The following LUZP2 variants were observed in gnomAD, a reference collection of about 807,000 sequenced individuals.
LUZP2 encodes leucine zipper protein 2.
LUZP2 carries 52 observed loss-of-function variants against 51.6 expected under a neutral mutation model. The observed-to-expected ratio is 1.01, with a 90% CI of 0.81 to 1.27. LUZP2 has a LOEUF of 1.27. LUZP2 is among the 50% of genes most tolerant of loss of function. LUZP2 has a pLI of 0.00. For synonymous variants in LUZP2, 154 were observed against 137.3 expected, an observed-to-expected ratio of 1.12 and a Z score of -0.85; for missense variants, 436 against 395.4, an observed-to-expected ratio of 1.10 and a Z score of -0.87.
intron 5 of LUZP2, among the ~76,000 whole-genome samples, chr11:24,777,064 G>A (rs957504396): frequency 6.7e-5 from 10 of 148,564 alleles, no homozygotes; most frequent in African/African-American, 2.2e-4. Context: ...GTGTGATCTC[G>A]GCTCACTGCA....
At chr11:24,671,524 C>T (rs1343773171) in intron 1 of LUZP2, among the ~76,000 whole-genome samples, 2 of 151,642 alleles carry the variant, frequency 1.3e-5, no homozygotes, top group South Asian at 4.2e-4. Flanking sequence ...CTTTCTTGGC[C>T]AAATAATCTT....
At chr11:24,896,239 G>A (rs1286849097) in intron 5 of LUZP2, among the ~76,000 whole-genome samples, 1 of 152,188 alleles carries the variant, frequency 6.6e-6, no homozygotes, top group Admixed American at 6.5e-5. Flanking sequence ...CCCTCTGTGG[G>A]CTGGCCGAGG....
intron 1 of LUZP2, among the ~76,000 whole-genome samples, chr11:24,654,402 CT>C (rs1855732843): frequency 2.0e-5 from 3 of 150,712 alleles, no homozygotes; most frequent in Non-Finnish European, 4.4e-5. Context: ...TTTCTTTTTT[CT>C]TTTGTTTTGT....
chr11:25,079,414 T>C lies in LUZP2; in HGVS notation c.*756T>C, dbSNP rs1398144298. 1 of 152,114 alleles carries C rather than the reference T, an allele frequency of 6.6e-6. No individual in the cohort carries two copies. The highest frequency in any genetic ancestry group is 2.4e-5 in the African/African-American group (1 of 41,432). 9.4% of individuals were successfully genotyped at this position (152,114 alleles called of 1,614,324 possible). On this transcript the variant is annotated 3_prime_UTR_variant, in exon 12 of 12. Coordinates refer to ENST00000336930, the MANE Select transcript of LUZP2 (RefSeq NM_001009909.4). ...GAAATACTTGGCAGGATTTTTGGTA[T>C]GAAGTTGGGTAGTGGAATAGGGAAT...
intron 5 of LUZP2, among the ~76,000 whole-genome samples, chr11:24,803,205 G>A (rs1485371387): frequency 2.0e-5 from 3 of 152,092 alleles, no homozygotes; most frequent in African/African-American, 4.8e-5. Flanking sequence ...ATGGGCAAAA[G>A]ACATGAATTG....
At chr11:24,951,398 G>A (rs551939073) in intron 7 of LUZP2, among the ~76,000 whole-genome samples, 1 of 151,256 alleles carries the variant, frequency 6.6e-6, no homozygotes, top group East Asian at 1.9e-4. Context: ...AGAAAATAAG[G>A]GCCTTGTCCA....
chr11:24,759,575 T>C (rs1859905585), intron 4 of LUZP2, among the ~76,000 whole-genome samples: 1 of 152,180 alleles, frequency 6.6e-6, no homozygotes, highest in Admixed American at 6.6e-5. Flanking sequence ...GAACAATGCG[T>C]GCAGTATCCA....
intron 5 of LUZP2, among the ~76,000 whole-genome samples, chr11:24,853,812 G>T (rs746076058): frequency 2.0e-5 from 3 of 152,122 alleles, no homozygotes; most frequent in Non-Finnish European, 4.4e-5. Context: ...TTTTGGTGTG[G>T]ACATCCTTTT....
At chr11:24,984,844 C>A (rs1401549893) in intron 9 of LUZP2, among the ~76,000 whole-genome samples, 1 of 151,116 alleles carries the variant, frequency 6.6e-6, no homozygotes, top group Non-Finnish European at 1.5e-5. Context: ...ATTATTTTTT[C>A]TTTCCTCAGT....
chr11:24,811,622 A>T (rs1050511281), intron 5 of LUZP2, among the ~76,000 whole-genome samples: 3 of 152,016 alleles, frequency 2.0e-5, no homozygotes, highest in Non-Finnish European at 4.4e-5. Flanking sequence ...AGTATCTAAT[A>T]GGTAGTTTTT....
In LUZP2 at chr11:24,573,721, A is replaced by G. The variant is rs541262443; in HGVS notation, c.62+76416A>G. On this transcript the variant is annotated intron_variant, in intron 1 of 11. Transcript: ENST00000336930. Reference sequence around the variant, plus strand: ...ACATGGTATAAACCATCTAAGACAAAATAATTTTTGCTTCCTTATGAATAT... The same window carrying G: ...ACATGGTATAAACCATCTAAGACAAGATAATTTTTGCTTCCTTATGAATAT... 3.9e-5 allele frequency among the ~76,000 whole-genome samples: 6 copies of G among 151,964 alleles called. No homozygotes were observed. The East Asian group carries it at 1.2e-3, about 29-fold the overall frequency.
chr11:24,513,941 A>G (rs1850388543), intron 1 of LUZP2, among the ~76,000 whole-genome samples: 1 of 152,204 alleles, frequency 6.6e-6, no homozygotes, highest in Non-Finnish European at 1.5e-5. Flanking sequence ...CATGGAACGG[A>G]TTTAATGTTT....
At chr11:24,748,664 G>A (rs919219871) in intron 4 of LUZP2, among the ~76,000 whole-genome samples, 1 of 152,048 alleles carries the variant, frequency 6.6e-6, no homozygotes, top group Admixed American at 6.6e-5. Flanking sequence ...TCACCATGTT[G>A]GCCGGGATGG....
chr11:24,508,405 G>C (rs1202263009), intron 1 of LUZP2, among the ~76,000 whole-genome samples: 1 of 152,120 alleles, frequency 6.6e-6, no homozygotes, highest in African/African-American at 2.4e-5. Context: ...GGTGACAGAA[G>C]ATCCTTTCTT....
At chr11:25,033,647 C>T (rs532981262) in intron 9 of LUZP2, among the ~76,000 whole-genome samples, 11 of 152,092 alleles carry the variant, frequency 7.2e-5, no homozygotes, top group Non-Finnish European at 1.3e-4. Context: ...CAGTGGTTAG[C>T]TCCTACTTAT....
At chr11:25,003,961 G>A (rs575712192) in intron 9 of LUZP2, among the ~76,000 whole-genome samples, 13 of 152,314 alleles carry the variant, frequency 8.5e-5, no homozygotes, top group African/African-American at 2.9e-4. Context: ...TTTACAGGCT[G>A]TCCCAGGATT....
chr11:24,990,031 C>T (rs1856292804), intron 9 of LUZP2, among the ~76,000 whole-genome samples: 1 of 152,088 alleles, frequency 6.6e-6, no homozygotes, highest in Non-Finnish European at 1.5e-5. Flanking sequence ...AATATTGCCA[C>T]ATATTCTCTG....
chr11:24,902,310 C>T (rs1371280535), intron 5 of LUZP2, among the ~76,000 whole-genome samples: 3 of 152,116 alleles, frequency 2.0e-5, no homozygotes, highest in Admixed American at 2.0e-4. Flanking sequence ...CCTCTCCCTC[C>T]TCCCACCCTC....
At chr11:24,619,510 C>A (rs1854421703) in intron 1 of LUZP2, among the ~76,000 whole-genome samples, 1 of 152,076 alleles carries the variant, frequency 6.6e-6, no homozygotes, top group Admixed American at 6.6e-5. Flanking sequence ...GTTATTTGGG[C>A]TTCCTGACAT....
Sources: allele counts gnomAD v4.1 joint callset (sites outside exome capture counted in the v4.1 genomes callset), GRCh38; gene constraint gnomAD v4.1.1; transcripts MANE v1.5; gene names NCBI Gene and HGNC (gene_info 2026-07-23, HGNC 2026-07-21).